VWA8: variants seen among roughly 807,000 people sequenced by gnomAD.
VWA8 encodes von Willebrand factor A domain containing 8.
VWA8 carries 221 observed loss-of-function variants against 241.5 expected under a neutral mutation model. The observed-to-expected ratio is 0.91, with a 90% confidence interval of 0.82 to 1.02. The LOEUF (loss-of-function observed/expected upper bound fraction) is 1.02. VWA8 is among the 50% of genes least tolerant of loss of function. The probability of loss-of-function intolerance (pLI) is 0.00; values close to 1 mark genes in which losing one functional copy is unlikely to be tolerated. For missense variants in VWA8, 2,322 were observed against 2,328.7 expected (o/e 1.00, Z 0.06); for synonymous variants, 852 against 827.1 (o/e 1.03, Z -0.52).
At position 41,791,742 on chromosome 13, in the gene VWA8, T is replaced by A. The variant is rs190162224; in HGVS notation, c.2064-4199A>T. The stretch of plus-strand genomic sequence containing the variant: ...GCAACTTACTTCATTTTGACTGTTG[T>A]AAATTATTTTATCATACAAATATAT... On this transcript the variant is annotated intron_variant, in intron 17 of 44. Transcript: ENST00000379310. Among the ~76,000 whole-genome samples, 28 of 152,052 alleles carry A rather than the reference T, an allele frequency of 1.8e-4. No individual in the cohort carries two copies. The East Asian group carries it at 4.8e-3, about 26-fold the overall frequency.
chr13:41,852,395 C>A (rs887010182), intron 12 of VWA8, among the ~76,000 whole-genome samples: 1 of 151,904 alleles, frequency 6.6e-6, no homozygotes, highest in Non-Finnish European at 1.5e-5. Flanking sequence ...ACTGACTCTT[C>A]TCTGTTGATT....
At chr13:41,922,187 G>A (rs145636091) in intron 2 of VWA8, among the ~76,000 whole-genome samples, 3,244 of 152,218 alleles carry the variant, frequency 0.021, 120 homozygotes, top group African/African-American at 0.071. Flanking sequence ...ATGGGGAAAC[G>A]ATTCCCTATT....
Position 41,761,199 on chromosome 13 carries a change from T to C in VWA8, c.2355A>G (p.Val785=). Residue 785 remains valine (V), a synonymous_variant, in exon 21 of 45, where the codon GTA becomes GTG. Coordinates refer to ENST00000379310, the MANE Select transcript of VWA8 (RefSeq NM_015058.2). The part of the protein sequence containing the change: ...EHLLLVGNQG[V]GKNKIVDRFL... The stretch of plus-strand genomic sequence containing the variant: ...ATCTGTCAACAATCTTGTTTTTTCC[T>C]ACACCCTGTAATTACACAGAAAACA... The C allele has an allele frequency of 6.2e-7, 1 of 1,611,272 alleles. No individual in the cohort carries two copies. The highest frequency in any genetic ancestry group is 8.5e-7 in the Non-Finnish European group (1 of 1,178,224).
At chr13:41,667,234 G>C (rs2044992629) in intron 37 of VWA8, among the ~76,000 whole-genome samples, 1 of 152,098 alleles carries the variant, frequency 6.6e-6, no homozygotes. Flanking sequence ...TTATAGAAAA[G>C]GCCAAGCTTA....
intron 21 of VWA8, among the ~76,000 whole-genome samples, chr13:41,757,514 G>A (rs59658899): frequency 0.012 from 1,881 of 150,658 alleles, 30 homozygotes; most frequent in African/African-American, 0.043. Flanking sequence ...GTGATCCTGA[G>A]ATTTAGGGTA....
At chr13:41,752,461 G>A (rs1346460907) in intron 21 of VWA8, among the ~76,000 whole-genome samples, 1 of 152,140 alleles carries the variant, frequency 6.6e-6, no homozygotes, top group Non-Finnish European at 1.5e-5. Flanking sequence ...ACTAGGTCAA[G>A]ATGGATATCA....
intron 1 of VWA8, among the ~76,000 whole-genome samples, chr13:41,957,199 T>C (rs183515411): frequency 4.7e-4 from 72 of 152,264 alleles, no homozygotes; most frequent in Non-Finnish European, 8.1e-4. Context: ...TGGGAGGTAA[T>C]TGAATCATGG....
chr13:41,772,482 T>C (rs1330891866), intron 20 of VWA8, among the ~76,000 whole-genome samples: 1 of 152,018 alleles, frequency 6.6e-6, no homozygotes, highest in African/African-American at 2.4e-5. Flanking sequence ...AAAATCAGCA[T>C]GAAGCTCCTA....
intron 23 of VWA8, among the ~76,000 whole-genome samples, chr13:41,728,618 C>CTT (rs570344416): frequency 7.7e-5 from 11 of 143,426 alleles, no homozygotes; most frequent in Non-Finnish European, 1.5e-4. Context: ...TCTGAATGAT[C>CTT]TTTTTTTTTT....
intron 20 of VWA8, among the ~76,000 whole-genome samples, chr13:41,777,606 C>T (rs1868665530): frequency 6.6e-6 from 1 of 152,108 alleles, no homozygotes; most frequent in Non-Finnish European, 1.5e-5. Flanking sequence ...TTTAGTTTTA[C>T]AAGTATCAAT....
At chr13:41,904,745 A>G (rs1181389356) in intron 4 of VWA8, among the ~76,000 whole-genome samples, 1 of 152,160 alleles carries the variant, frequency 6.6e-6, no homozygotes, top group African/African-American at 2.4e-5. Context: ...AGGGATTACC[A>G]GACCATATAT....
chr13:41,759,821 C>T (rs1352689204), intron 21 of VWA8, among the ~76,000 whole-genome samples: 1 of 151,594 alleles, frequency 6.6e-6, no homozygotes, highest in Non-Finnish European at 1.5e-5. Flanking sequence ...TTGCGGTCTT[C>T]TTGGTTGAGT....
intron 1 of VWA8, among the ~76,000 whole-genome samples, chr13:41,952,444 A>G (rs1878177890): frequency 6.6e-6 from 1 of 152,232 alleles, no homozygotes; most frequent in Admixed American, 6.5e-5. Context: ...GCTTACAAAT[A>G]TAAGTGATAT....
chr13:41,592,058 A>G (rs1290735534), intron 40 of VWA8, among the ~76,000 whole-genome samples: 2 of 151,762 alleles, frequency 1.3e-5, no homozygotes, highest in Admixed American at 6.6e-5. Flanking sequence ...AAAGTCTTGG[A>G]ACCAACCCAA....
intron 3 of VWA8, among the ~76,000 whole-genome samples, chr13:41,909,108 A>G (rs994971277): frequency 9.3e-5 from 14 of 150,386 alleles, no homozygotes; most frequent in Non-Finnish European, 2.1e-4. Flanking sequence ...GCTGTTGTAC[A>G]GTGGTGCGAT....
chr13:41,627,006 T>C (rs1427106002), intron 37 of VWA8, among the ~76,000 whole-genome samples: 1 of 152,048 alleles, frequency 6.6e-6, no homozygotes, highest in Non-Finnish European at 1.5e-5. Flanking sequence ...GAGAAAATAT[T>C]TGCAAACTAT....
intron 17 of VWA8, 37 bp downstream of exon 17, chr13:41,811,188 C>A: frequency 6.5e-7 from 1 of 1,530,092 alleles, no homozygotes; most frequent in Non-Finnish European, 9.0e-7. Context: ...TAGTGAAGAT[C>A]CAGAAACTTA....
intron 37 of VWA8, 100 bp from the exon 38 acceptor site, chr13:41,615,184 C>T: frequency 8.4e-7 from 1 of 1,197,432 alleles, no homozygotes; most frequent in East Asian, 2.6e-5. Flanking sequence ...CTTAAGGTAT[C>T]ACATAACCTC....
chr13:41,631,890 A>C (rs1454382590), intron 37 of VWA8, among the ~76,000 whole-genome samples: 2 of 152,194 alleles, frequency 1.3e-5, no homozygotes, highest in Non-Finnish European at 2.9e-5. Context: ...GCCTCCTCAC[A>C]GACTCACACT....
Sources: allele counts gnomAD v4.1 joint callset (sites outside exome capture counted in the v4.1 genomes callset), GRCh38; gene constraint gnomAD v4.1.1; transcripts MANE v1.5; gene names NCBI Gene and HGNC (gene_info 2026-07-23, HGNC 2026-07-21).